The following SLC38A6 variants were observed in gnomAD, a reference collection of about 807,000 sequenced individuals.
SLC38A6 encodes N system amino acid transporter NAT-1.
A neutral mutation model predicts 65.0 loss-of-function variants in SLC38A6; 73 were observed. The observed-to-expected ratio is 1.12, with a 90% CI of 0.93 to 1.37. SLC38A6 has a LOEUF of 1.37. SLC38A6 is among the 40% of genes most tolerant of loss of function. SLC38A6 has a pLI of 0.00. For synonymous variants in SLC38A6, 183 were observed against 178.8 expected (o/e 1.02, Z -0.19); for missense variants, 561 against 531.1 (o/e 1.06, Z -0.55).
At chr14:61,053,675 G>A (rs1282062495), downstream of SLC38A6, among the ~76,000 whole-genome samples, 1 of 152,124 alleles carries the variant, frequency 6.6e-6, no homozygotes, top group African/African-American at 2.4e-5. Context: ...TTGGCAGCAT[G>A]TATGTATGTC....
chr14:60,983,911 T>C (rs913463558), intron 2 of SLC38A6, among the ~76,000 whole-genome samples: 5 of 152,198 alleles, frequency 3.3e-5, no homozygotes, highest in Admixed American at 1.3e-4. Context: ...TAAAGTGTTA[T>C]TTTGTGAAGT....
chr14:60,996,554 A>C (rs879849021), intron 3 of SLC38A6, among the ~76,000 whole-genome samples: 6 of 152,130 alleles, frequency 3.9e-5, no homozygotes, highest in Non-Finnish European at 8.8e-5. Flanking sequence ...AGTAAAAGGG[A>C]TGGTAGAAAA....
intron 5 of SLC38A6, 105 bp downstream of exon 5, chr14:61,019,685 C>T: frequency 8.6e-7 from 1 of 1,165,180 alleles, no homozygotes. Flanking sequence ...GTAGACATAG[C>T]TATCTTCAGA....
chr14:61,005,208 A>G lies in SLC38A6; in HGVS notation c.311-10696A>G, dbSNP rs577350774. On this transcript the variant is annotated intron_variant, in intron 3 of 15. Coordinates refer to ENST00000267488, the MANE Select transcript of SLC38A6 (RefSeq NM_153811.3). ...CAAATTAGAAGAGCTATCTATGACAAACCCACAGCCAATATCATACTGAAT... is the reference window on the plus strand; with the variant it reads ...CAAATTAGAAGAGCTATCTATGACAGACCCACAGCCAATATCATACTGAAT... 6.6e-5 allele frequency among the ~76,000 whole-genome samples: 10 copies of G among 152,196 alleles called. No individual in the cohort carries two copies. The East Asian group carries it at 1.2e-3, about 18-fold the overall frequency.
chr14:61,042,722 G>C (rs546824333), intron 8 of SLC38A6, among the ~76,000 whole-genome samples: 2 of 152,282 alleles, frequency 1.3e-5, no homozygotes, highest in African/African-American at 2.4e-5. Context: ...TGAGTATAAA[G>C]TCTGTACTTA....
In SLC38A6 at chr14:60,984,532, A is replaced by G. The variant is rs138118754; in HGVS notation, c.237-198A>G. On this transcript the variant is annotated intron_variant, in intron 2 of 15. Coordinates refer to ENST00000267488, the MANE Select transcript of SLC38A6 (RefSeq NM_153811.3). The stretch of plus-strand genomic sequence containing the variant: ...TATTTTTTTTTATTTTAAAATCAGT[A>G]TATTTTCATTTAAATAAAATTGGTA... Among the ~76,000 whole-genome samples the G allele has an allele frequency of 4.5e-3, 690 of 152,156 alleles. 2 individuals carry two copies. The highest frequency in any genetic ancestry group is 0.015 in the South Asian group (71 of 4,826).
intron 15 of SLC38A6, among the ~76,000 whole-genome samples, chr14:61,067,812 C>G (rs2043080005): frequency 6.6e-6 from 1 of 152,054 alleles, no homozygotes. Flanking sequence ...CTTCAGTGCA[C>G]CACTTAAGCA....
intron 6 of SLC38A6, chr14:61,031,147 C>G (rs547208002): frequency 1.3e-5 from 2 of 151,908 alleles, no homozygotes; most frequent in Non-Finnish European, 2.9e-5. Context: ...TTTGACTCAC[C>G]TCTTTATAGG....
intron 3 of SLC38A6, among the ~76,000 whole-genome samples, chr14:60,995,413 A>C (rs548644205): frequency 6.6e-6 from 1 of 152,224 alleles, no homozygotes; most frequent in Non-Finnish European, 1.5e-5. Context: ...GAATCTAAAA[A>C]AGTCAAATAC....
chr14:61,002,395 TA>T (rs1271565721), intron 3 of SLC38A6, among the ~76,000 whole-genome samples: 2 of 151,994 alleles, frequency 1.3e-5, no homozygotes, highest in Non-Finnish European at 2.9e-5. Flanking sequence ...AATTTCAAAA[TA>T]ATAAGGGTAC....
chr14:61,005,973 A>G (rs1326910157), intron 3 of SLC38A6, among the ~76,000 whole-genome samples: 1 of 152,218 alleles, frequency 6.6e-6, no homozygotes, highest in African/African-American at 2.4e-5. Flanking sequence ...CTGGTACCAA[A>G]ACAGAGATAT....
intron 3 of SLC38A6, among the ~76,000 whole-genome samples, chr14:61,009,475 G>A (rs558216160): frequency 5.3e-5 from 8 of 152,112 alleles, no homozygotes; most frequent in African/African-American, 1.4e-4. Flanking sequence ...CCATGTTGGC[G>A]TGCCGCACCC....
chr14:60,997,849 T>C (rs973980246), intron 3 of SLC38A6, among the ~76,000 whole-genome samples: 22 of 152,120 alleles, frequency 1.4e-4, no homozygotes, highest in Admixed American at 1.3e-3. Context: ...TCAATGAAGA[T>C]AGGAACACAG....
intron 3 of SLC38A6, among the ~76,000 whole-genome samples, chr14:61,011,286 A>T (rs150515513): frequency 1.7e-3 from 266 of 152,282 alleles, no homozygotes; most frequent in African/African-American, 6.0e-3. Context: ...TTGGGCCGAG[A>T]TGGTGGGGTT....
At chr14:61,083,686 C>G in exon 17 of SLC38A6, 1 of 1,549,602 alleles carries the variant, frequency 6.5e-7, no homozygotes, top group Non-Finnish European at 8.7e-7. Context: ...CTTGCACTTC[C>G]CAACCTCCAG....
At chr14:61,047,966 GATAGATAGATACATACATAC>G (rs202114106) in intron 12 of SLC38A6, among the ~76,000 whole-genome samples, 277 of 45,368 alleles carry the variant, frequency 6.1e-3, no homozygotes, top group East Asian at 0.023. Flanking sequence ...TAGATAGATA[GATAGATAGATACATACATAC>G]ATACATACAT....
chr14:61,007,044 A>G (rs2039182503), intron 3 of SLC38A6, among the ~76,000 whole-genome samples: 2 of 152,080 alleles, frequency 1.3e-5, no homozygotes, highest in Admixed American at 6.6e-5. Context: ...GAAATTGGAA[A>G]TCATCATTCT....
At chr14:60,990,658 T>C (rs1330408971) in intron 3 of SLC38A6, among the ~76,000 whole-genome samples, 2 of 151,956 alleles carry the variant, frequency 1.3e-5, no homozygotes, top group African/African-American at 2.4e-5. Context: ...TTCGAGATAG[T>C]GTCTTGCTGT....
At chr14:60,997,281 A>G (rs1190260397) in intron 3 of SLC38A6, among the ~76,000 whole-genome samples, 1 of 152,058 alleles carries the variant, frequency 6.6e-6, no homozygotes, top group African/African-American at 2.4e-5. Context: ...CCTCCTGAGT[A>G]GCTGGGACTA....
Sources: allele counts gnomAD v4.1 joint callset (sites outside exome capture counted in the v4.1 genomes callset), GRCh38; gene constraint gnomAD v4.1.1; transcripts MANE v1.5; gene names NCBI Gene and HGNC (gene_info 2026-07-23, HGNC 2026-07-21).